TENM4: variants seen among roughly 807,000 people sequenced by gnomAD.
The protein encoded by TENM4 is teneurin-4.
TENM4 carries 82 observed loss-of-function variants against 243.3 expected under a neutral mutation model. The observed-to-expected ratio is 0.34, with a 90% CI of 0.28 to 0.40. TENM4 has a LOEUF of 0.40. TENM4 is among the 10% of genes least tolerant of loss of function. TENM4 has a pLI of 1.00. For missense variants in TENM4, 3,138 were observed against 3,673.3 expected, an observed-to-expected ratio of 0.85 and a Z score of 3.77; for synonymous variants, 1,412 against 1,456.3, an observed-to-expected ratio of 0.97 and a Z score of 0.69.
chr11:78,814,766 T>C (rs1320119035), intron 12 of TENM4, among the ~76,000 whole-genome samples: 1 of 152,250 alleles, frequency 6.6e-6, no homozygotes, highest in South Asian at 2.1e-4. Flanking sequence ...TTATACTTTT[T>C]GTATTTTATG....
intron 6 of TENM4, among the ~76,000 whole-genome samples, chr11:79,013,702 C>T (rs59691858): frequency 0.078 from 11,808 of 152,272 alleles, 466 homozygotes; most frequent in Middle Eastern, 0.1. Context: ...GAGAAAGCAG[C>T]AGCTCCTTGC....
chr11:79,131,747 A>G (rs1174757568), intron 4 of TENM4, among the ~76,000 whole-genome samples: 2 of 152,174 alleles, frequency 1.3e-5, no homozygotes, highest in Non-Finnish European at 2.9e-5. Flanking sequence ...AAGATACAGA[A>G]CCGCAGGGTG....
At position 79,069,781 on chromosome 11, in the gene TENM4, G is replaced by T; in HGVS notation, c.164C>A (p.Ala55Asp). 6.4e-7 allele frequency: 1 copy of T among 1,551,264 alleles called. No individual in the cohort carries two copies. Among genetic ancestry groups the T allele is most frequent in the African/African-American group, 1.4e-5 (1 of 73,184 alleles). Residue 55 changes from alanine to aspartate, a missense_variant, in exon 5 of 34, where the codon GCC becomes GAC. Transcript: ENST00000278550. The part of the protein sequence containing the change: ...LKAYDQDARL[A>D]YGSRVKDIVP... ...AATGTCCTTGACGCGGCTGCCATAG[G>T]CTAGGCGGGCGTCCTGGTCGTAGGC...
intron 6 of TENM4, among the ~76,000 whole-genome samples, chr11:79,020,797 C>A (rs1285828352): frequency 6.6e-6 from 1 of 152,190 alleles, no homozygotes; most frequent in Non-Finnish European, 1.5e-5. Context: ...CCCTGAACTG[C>A]TCAGTTCAAT....
intron 1 of TENM4, among the ~76,000 whole-genome samples, chr11:79,435,207 CT>C (rs1472590791): frequency 1.6e-4 from 24 of 151,764 alleles, no homozygotes; most frequent in Non-Finnish European, 1.0e-4. Flanking sequence ...GCACATATTA[CT>C]TTGGTCATTA....
chr11:78,969,692 G>A (rs1172182192), intron 6 of TENM4, among the ~76,000 whole-genome samples: 1 of 152,224 alleles, frequency 6.6e-6, no homozygotes, highest in African/African-American at 2.4e-5. Flanking sequence ...CAATGGAAAA[G>A]TGTGAGTCCT....
intron 14 of TENM4, among the ~76,000 whole-genome samples, chr11:78,810,150 T>C (rs1004819266): frequency 6.6e-6 from 1 of 152,148 alleles, no homozygotes; most frequent in Admixed American, 6.5e-5. Context: ...AGGAGAAGTG[T>C]GGAGGACAAA....
intron 6 of TENM4, among the ~76,000 whole-genome samples, chr11:79,043,468 G>C (rs1436140796): frequency 6.6e-6 from 1 of 152,030 alleles, no homozygotes; most frequent in African/African-American, 2.4e-5. Flanking sequence ...TGTCACCCTG[G>C]GTCCATGAGA....
intron 6 of TENM4, among the ~76,000 whole-genome samples, chr11:78,912,536 G>A (rs368316845): frequency 2.0e-5 from 3 of 152,170 alleles, no homozygotes; most frequent in Admixed American, 1.3e-4. Context: ...GATTACAGGC[G>A]TGAGCCACCG....
chr11:79,059,473 A>G (rs1180743604), intron 6 of TENM4, among the ~76,000 whole-genome samples: 1 of 152,196 alleles, frequency 6.6e-6, no homozygotes, highest in Non-Finnish European at 1.5e-5. Context: ...ATTAATATTA[A>G]TAGCTCCCGT....
intron 19 of TENM4, among the ~76,000 whole-genome samples, chr11:78,747,912 G>A (rs533929983): frequency 6.6e-6 from 1 of 152,280 alleles, no homozygotes; most frequent in South Asian, 2.1e-4. Flanking sequence ...ACCTTCACTT[G>A]GGACTCCAGG....
chr11:78,823,579 G>C (rs757916518), intron 12 of TENM4, among the ~76,000 whole-genome samples: 1 of 152,192 alleles, frequency 6.6e-6, no homozygotes, highest in Non-Finnish European at 1.5e-5. Flanking sequence ...AGTGAGGAGA[G>C]AAAGCTCATG....
intron 10 of TENM4, 56 bp from the exon 11 acceptor site, chr11:78,856,234 C>G: frequency 1.3e-6 from 2 of 1,490,900 alleles, no homozygotes; most frequent in Non-Finnish European, 9.1e-7. Context: ...ACATGGGAAA[C>G]GAGAAACCAG....
At chr11:79,047,700 GT>G (rs1859692840) in intron 6 of TENM4, among the ~76,000 whole-genome samples, 1 of 152,162 alleles carries the variant, frequency 6.6e-6, no homozygotes, top group African/African-American at 2.4e-5. Flanking sequence ...GAGGATGCAG[GT>G]TCGGAGTCAG....
chr11:78,778,674 G>C (rs1178938261), intron 16 of TENM4, 46 bp from the exon 17 acceptor site: 38 of 1,575,338 alleles, frequency 2.4e-5, no homozygotes, highest in Non-Finnish European at 3.1e-5. Context: ...TCCAGTAAGT[G>C]CAATATCGCC....
Position 79,440,757 on chromosome 11 carries a change from C to A in TENM4, c.-569G>T. The A allele has an allele frequency of 6.6e-6, 1 of 152,330 alleles. No individual in the cohort carries two copies. The highest frequency in any genetic ancestry group is 1.5e-5 in the Non-Finnish European group (1 of 68,236). The allele number at this position is 152,330 out of a possible 1,614,324, so 9.4% of individuals were successfully genotyped here. A position where few individuals can be genotyped will look rare whatever the true frequency, so the allele number is the denominator to read the frequency against. On this transcript the variant is annotated 5_prime_UTR_variant, in exon 1 of 34. Coordinates refer to ENST00000278550, the MANE Select transcript of TENM4 (RefSeq NM_001098816.3). This position sits in a 1 kb window ranked among gnomAD's most constrained non-coding sequence, Gnocchi z 4.7. ...CGCACGACCGGCTCCCGCTCCCGGC[C>A]GCTCCCGGCCGGCGTCCCTGCCAGC...
intron 2 of TENM4, among the ~76,000 whole-genome samples, chr11:79,295,159 G>C (rs1590858761): frequency 6.6e-6 from 1 of 152,182 alleles, no homozygotes; most frequent in Non-Finnish European, 1.5e-5. Context: ...ACCCAGTCCT[G>C]TTTAGGCGAA....
intron 6 of TENM4, among the ~76,000 whole-genome samples, chr11:79,042,905 A>G (rs1335983789): frequency 6.6e-6 from 1 of 152,120 alleles, no homozygotes; most frequent in African/African-American, 2.4e-5. Flanking sequence ...TTTCCTAGAA[A>G]GCTTTTTAGT....
intron 18 of TENM4, among the ~76,000 whole-genome samples, chr11:78,762,085 G>A (rs34186800): frequency 0.018 from 2,725 of 152,276 alleles, 22 homozygotes; most frequent in Middle Eastern, 0.041. Flanking sequence ...GTATGACCTA[G>A]TTGGCCATTT....
Sources: gnomAD v4.1 joint callset for allele counts (sites outside exome capture counted in the v4.1 genomes callset) on GRCh38, gnomAD v4.1.1 for gene constraint, Gnocchi (gnomAD v3.1) non-coding constraint, MANE v1.5 for transcripts, NCBI Gene and HGNC (gene_info 2026-07-23, HGNC 2026-07-21) for gene names.